Variants in BIRC6 observed in about 807,000 individuals in gnomAD.
The protein encoded by BIRC6 is baculoviral IAP repeat containing 6.
Under a neutral mutation model 503.3 loss-of-function variants are expected in BIRC6, and 98 were observed. That is an observed-to-expected ratio of 0.19 (90% CI 0.17 to 0.23). The LOEUF (loss-of-function observed/expected upper bound fraction) is 0.23, where lower values mean the gene tolerates loss of function less well. Among genes scored for constraint, BIRC6 ranks in the 10% least tolerant of loss-of-function variants. BIRC6 has a pLI of 1.00. For synonymous variants in BIRC6, 2,240 were observed against 2,078.7 expected, an observed-to-expected ratio of 1.08 and a Z score of -2.11; for missense variants, 5,360 against 5,806.0, an observed-to-expected ratio of 0.92 and a Z score of 2.50.
intron 10 of BIRC6, among the ~76,000 whole-genome samples, chr2:32,424,824 T>A (rs1316182840): frequency 2.0e-5 from 3 of 152,136 alleles, no homozygotes; most frequent in Non-Finnish European, 4.4e-5. Flanking sequence ...ATGTTTAACC[T>A]TTTGAGAATC....
intron 23 of BIRC6, among the ~76,000 whole-genome samples, chr2:32,457,170 C>T (rs1459703946): frequency 6.6e-6 from 1 of 152,184 alleles, no homozygotes; most frequent in Non-Finnish European, 1.5e-5. Flanking sequence ...ATATATTTTT[C>T]CATCTTTTTA....
intron 17 of BIRC6, 50 bp from the exon 18 acceptor site, chr2:32,442,015 T>C: frequency 1.5e-6 from 2 of 1,347,490 alleles, no homozygotes; most frequent in South Asian, 1.9e-5. Context: ...GTGATAGCTT[T>C]AGTTGTTCTG....
chr2:32,607,400 G>A, intron 71 of BIRC6, 55 bp from the exon 72 acceptor site: 1 of 1,267,830 alleles, frequency 7.9e-7, no homozygotes. Context: ...CAGGATATCA[G>A]TTAACCCACA....
intron 55 of BIRC6, among the ~76,000 whole-genome samples, chr2:32,516,120 G>A (rs1399031477): frequency 6.6e-6 from 1 of 152,218 alleles, no homozygotes; most frequent in African/African-American, 2.4e-5. Context: ...GAGGCATTGT[G>A]TTTTTGTGTA....
chr2:32,397,114 TTACTG>T (rs2039985796), intron 6 of BIRC6, among the ~76,000 whole-genome samples: 1 of 152,186 alleles, frequency 6.6e-6, no homozygotes, highest in Admixed American at 6.5e-5. Flanking sequence ...TCCAAATATC[TTACTG>T]TACTGTACTC....
intron 47 of BIRC6, 76 bp downstream of exon 47, chr2:32,501,964 G>A: frequency 7.6e-7 from 1 of 1,324,292 alleles, no homozygotes; most frequent in Non-Finnish European, 1.0e-6. Flanking sequence ...ACAGGACAAA[G>A]ATAAATAAGT....
chr2:32,481,213 G>C, intron 37 of BIRC6, 107 bp from the exon 38 acceptor site: 1 of 939,446 alleles, frequency 1.1e-6, no homozygotes, highest in African/African-American at 1.7e-5. Flanking sequence ...TTTTTTTTAG[G>C]CATATGTAAC....
chr2:32,436,143 A>G lies in BIRC6; in HGVS notation c.3590A>G (p.His1197Arg), dbSNP rs1447657838. ...GCTAGTGGCCTTGATCTATCAGGGC[A>G]TGCTGGAATGTTGACGTTAACAAGC... is the stretch of plus-strand genomic sequence containing the variant. The part of the protein sequence containing the change: ...WLASGLDLSG[H>R]AGMLTLTSPK... Residue 1197 changes from histidine (H) to arginine (R), a missense_variant, in exon 15 of 74, where the codon CAT (histidine) becomes CGT (arginine). Physicochemically the swap from His to Arg is conservative, Grantham distance 29. Coordinates refer to ENST00000421745, the MANE Select transcript of BIRC6 (RefSeq NM_016252.4). 2.0e-6 allele frequency: 3 copies of G among 1,480,436 alleles called. No homozygotes were observed. Among genetic ancestry groups the G allele is most frequent in the African/African-American group, 1.4e-5 (1 of 72,610 alleles). 91.7% of individuals were successfully genotyped at this position (1,480,436 alleles called of 1,614,324 possible).
intron 49 of BIRC6, among the ~76,000 whole-genome samples, chr2:32,503,677 C>T (rs1023450735): frequency 6.6e-6 from 1 of 152,044 alleles, no homozygotes; most frequent in Non-Finnish European, 1.5e-5. Flanking sequence ...CTGCCTCGGC[C>T]TCCCAAAGTG....
At chr2:32,606,730 G>T (rs929702788) in intron 71 of BIRC6, among the ~76,000 whole-genome samples, 1 of 152,008 alleles carries the variant, frequency 6.6e-6, no homozygotes, top group Non-Finnish European at 1.5e-5. Context: ...GCTAGGCCAG[G>T]CACAGTGGCT....
chr2:32,610,082 A>C (rs1379753443), intron 72 of BIRC6, among the ~76,000 whole-genome samples: 1 of 152,156 alleles, frequency 6.6e-6, no homozygotes, highest in Non-Finnish European at 1.5e-5. Flanking sequence ...CTTCATTTAA[A>C]GCTGTGTCAT....
At chr2:32,493,748 G>A in intron 45 of BIRC6, 81 bp downstream of exon 45, 2 of 1,198,900 alleles carry the variant, frequency 1.7e-6, no homozygotes, top group Non-Finnish European at 2.3e-6. Context: ...AACATTTGTT[G>A]GGAATTTATC....
At chr2:32,540,882 A>G (rs932523221) in intron 61 of BIRC6, among the ~76,000 whole-genome samples, 6 of 152,048 alleles carry the variant, frequency 3.9e-5, no homozygotes, top group Non-Finnish European at 7.4e-5. Context: ...GTTGTGAAGA[A>G]TTGTATACAT....
In BIRC6 at chr2:32,545,034, T is replaced by G. The variant is rs151245217; in HGVS notation, c.12593-609T>G. Among the ~76,000 whole-genome samples the G allele has an allele frequency of 8.6e-3, 1,305 of 152,162 alleles. 10 individuals are homozygous for G. The highest frequency in any genetic ancestry group is 0.021 in the Middle Eastern group (6 of 292). On this transcript the variant is annotated intron_variant, in intron 62 of 73. Coordinates refer to ENST00000421745, the MANE Select transcript of BIRC6 (RefSeq NM_016252.4). ...TTACCACAGAGTGTTAAAGTAGGTG[T>G]AACCCTAAACAGAAAAGGAAAAAAA...
rs1251124844 is a variant in BIRC6 at position 32,575,315 on chromosome 2, C to A, written c.13304C>A (p.Thr4435Lys). The change falls in exon 66 of 74, where the codon ACA becomes AAA. Residue 4435 changes from threonine (T) to lysine (K), a missense_variant. Coordinates refer to ENST00000421745, the MANE Select transcript of BIRC6 (RefSeq NM_016252.4). ...TCAGAATGTCAAACTTCTGTTGGTA[C>A]ATTGTTAGCCAAAATGAAGACCTGT... ...EQSECQTSVG[T>K]LLAKMKTCVD... 6.2e-7 allele frequency: 1 copy of A among 1,613,992 alleles called. No individual in the cohort carries two copies. The highest frequency in any genetic ancestry group is 1.3e-5 in the African/African-American group (1 of 75,030).
At position 32,457,716 on chromosome 2, in the gene BIRC6, TATG is replaced by T. The variant is rs534604015; in HGVS notation, c.4753+3778_4753+3780del. Among the ~76,000 whole-genome samples the T allele has an allele frequency of 2.5e-4, 38 of 152,212 alleles. No homozygotes were observed. The South Asian group carries it at 7.5e-3, about 30-fold the overall frequency. On this transcript the variant is annotated intron_variant, in intron 23 of 73. Transcript: ENST00000421745. ...CCTTTGTCTTTGAGCTTTTATCTGG[TATG>T]ATGTTTCTTAGGTCTGAAAAATACT...
chr2:32,359,771 G>A (rs950110289), intron 1 of BIRC6, among the ~76,000 whole-genome samples: 2 of 152,076 alleles, frequency 1.3e-5, no homozygotes, highest in Admixed American at 1.3e-4. Context: ...GTTTTGCTGT[G>A]TTGCCCAGGC....
intron 57 of BIRC6, among the ~76,000 whole-genome samples, chr2:32,523,985 A>C (rs1355797724): frequency 6.6e-6 from 1 of 152,042 alleles, no homozygotes; most frequent in African/African-American, 2.4e-5. Flanking sequence ...TTGAGGCTGC[A>C]GTGAACCGCG....
chr2:32,610,674 G>A (rs2062807171), intron 72 of BIRC6, among the ~76,000 whole-genome samples: 1 of 152,152 alleles, frequency 6.6e-6, no homozygotes, highest in South Asian at 2.1e-4. Flanking sequence ...GTGTCTTGTG[G>A]TCTCTGGACA....
Sources: allele counts gnomAD v4.1 joint callset (sites outside exome capture counted in the v4.1 genomes callset), GRCh38; gene constraint gnomAD v4.1.1; transcripts MANE v1.5; gene names NCBI Gene and HGNC (gene_info 2026-07-23, HGNC 2026-07-21).